Variants in EPHA6 observed in about 807,000 individuals in gnomAD.
EPHA6 encodes EPH receptor A6.
In EPHA6, 50 loss-of-function variants were observed where a neutral mutation model predicts 112.0. That is an observed-to-expected ratio of 0.45 (90% confidence interval 0.36 to 0.56). The LOEUF is 0.56. Ranked by LOEUF, EPHA6 falls within the 20% of genes least tolerant of loss-of-function variation. The pLI, the probability that EPHA6 is intolerant of heterozygous loss-of-function variation, is 0.00. For missense variants in EPHA6, 1,280 were observed against 1,417.4 expected, an observed-to-expected ratio of 0.90 and a Z score of 1.56; for synonymous variants, 529 against 490.7, an observed-to-expected ratio of 1.08 and a Z score of -1.03.
chr3:97,642,876 A>T (rs1169910328), intron 14 of EPHA6, among the ~76,000 whole-genome samples: 1 of 11,308 alleles, frequency 8.8e-5, no homozygotes, highest in East Asian at 4.4e-3. Flanking sequence ...GCAGGATATT[A>T]TCCAGGAGAA....
intron 5 of EPHA6, among the ~76,000 whole-genome samples, chr3:97,317,134 G>T (rs1008634676): frequency 7.1e-6 from 1 of 140,792 alleles, no homozygotes; most frequent in African/African-American, 2.7e-5. Context: ...GATTGGAAGA[G>T]AAAAAAAAAA....
chr3:97,114,542 T>A (rs183628354), intron 3 of EPHA6, among the ~76,000 whole-genome samples: 1 of 152,140 alleles, frequency 6.6e-6, no homozygotes, highest in African/African-American at 2.4e-5. Context: ...TGTTTTGAGA[T>A]TTTATATAAT....
At chr3:97,355,797 G>A (rs1416305323) in intron 5 of EPHA6, among the ~76,000 whole-genome samples, 1 of 151,994 alleles carries the variant, frequency 6.6e-6, no homozygotes, top group African/African-American at 2.4e-5. Flanking sequence ...AAAACACTTA[G>A]CCTATAAAGA....
At chr3:97,595,677 A>AAGAGGAGAGGAGAGG (rs141447384) in intron 12 of EPHA6, among the ~76,000 whole-genome samples, 1 of 150,118 alleles carries the variant, frequency 6.7e-6, no homozygotes, top group Non-Finnish European at 1.5e-5. Context: ...CACAGGAGAG[A>AAGAGGAGAGGAGAGG]AGAGGAGAGG....
At chr3:97,257,339 A>G (rs2079348888) in intron 5 of EPHA6, among the ~76,000 whole-genome samples, 1 of 152,022 alleles carries the variant, frequency 6.6e-6, no homozygotes, top group Admixed American at 6.6e-5. Context: ...TAAGCTGGGG[A>G]AAATATTTGT....
At chr3:97,309,135 T>C (rs796217851) in intron 5 of EPHA6, among the ~76,000 whole-genome samples, 4 of 151,732 alleles carry the variant, frequency 2.6e-5, no homozygotes, top group South Asian at 4.1e-4. Flanking sequence ...GAAAGCAAGA[T>C]GTAAAATTTT....
At position 97,644,882 on chromosome 3, in the gene EPHA6, C is replaced by T. The variant is rs564762826; in HGVS notation, c.2784+6800C>T. ...GTACAAGGAGGAACTGGTACCATTC[C>T]TTCTGAAACTATTCCAATCAGTAAA... On this transcript the variant is annotated intron_variant, in intron 14 of 17. Coordinates refer to ENST00000389672, the MANE Select transcript of EPHA6 (RefSeq NM_001080448.3). Among the ~76,000 whole-genome samples, 21 of 152,170 alleles carry T rather than the reference C, an allele frequency of 1.4e-4. No individual in the cohort carries two copies. The South Asian group carries it at 1.7e-3, about 12-fold the overall frequency.
chr3:96,918,611 T>A (rs1375282770), intron 2 of EPHA6, among the ~76,000 whole-genome samples: 1 of 151,810 alleles, frequency 6.6e-6, no homozygotes, highest in African/African-American at 2.4e-5. Context: ...AATTGAGTTT[T>A]AATAATATTT....
chr3:97,255,388 C>T (rs1476158745), intron 5 of EPHA6, among the ~76,000 whole-genome samples: 1 of 152,132 alleles, frequency 6.6e-6, no homozygotes, highest in Non-Finnish European at 1.5e-5. Flanking sequence ...AAAAAGAAAG[C>T]CACTATCCCA....
At chr3:96,941,499 T>C (rs1179494210) in intron 2 of EPHA6, among the ~76,000 whole-genome samples, 1 of 152,102 alleles carries the variant, frequency 6.6e-6, no homozygotes, top group African/African-American at 2.4e-5. Context: ...TATACATTCG[T>C]CTAATTTTTT....
intron 3 of EPHA6, among the ~76,000 whole-genome samples, chr3:97,003,653 C>CT (rs934431438): frequency 6.6e-6 from 1 of 152,052 alleles, no homozygotes; most frequent in African/African-American, 2.4e-5. Context: ...TTTCCTATTT[C>CT]TTTTTTTCTT....
Position 97,283,469 on chromosome 3 carries a change from T to C in EPHA6, c.1606+39182T>C, listed in dbSNP as rs569407602. On this transcript the variant is annotated intron_variant, in intron 5 of 17. Transcript: ENST00000389672. ...CAAGGAAAATGATAGGATACAGTTA[T>C]CTAAACTAGCCTAGATATGGTGATT... Among the ~76,000 whole-genome samples the C allele has an allele frequency of 2.6e-5, 4 of 152,256 alleles. No homozygotes were observed. In the East Asian group the frequency reaches 5.8e-4, roughly 22 times the overall value.
intron 14 of EPHA6, among the ~76,000 whole-genome samples, chr3:97,681,959 C>T (rs543699264): frequency 6.6e-6 from 1 of 151,986 alleles, no homozygotes; most frequent in Admixed American, 6.6e-5. Flanking sequence ...ATATCTGCTA[C>T]TAGTAACCAG....
At chr3:97,282,219 G>A (rs376842745) in intron 5 of EPHA6, among the ~76,000 whole-genome samples, 1 of 152,108 alleles carries the variant, frequency 6.6e-6, no homozygotes, top group African/African-American at 2.4e-5. Context: ...AATATGTACA[G>A]AGAAATGTAA....
At chr3:97,352,142 A>G (rs1200418913) in intron 5 of EPHA6, among the ~76,000 whole-genome samples, 2 of 152,158 alleles carry the variant, frequency 1.3e-5, no homozygotes, top group Non-Finnish European at 2.9e-5. Context: ...TTTCAATTTG[A>G]AAAACAGAAC....
intron 6 of EPHA6, among the ~76,000 whole-genome samples, chr3:97,427,358 CAT>C (rs918543324): frequency 1.3e-5 from 2 of 152,128 alleles, no homozygotes; most frequent in Non-Finnish European, 2.9e-5. Context: ...ACCATGCAGC[CAT>C]AAAAAAGAAT....
intron 14 of EPHA6, among the ~76,000 whole-genome samples, chr3:97,664,186 G>GT (rs1304274696): frequency 6.6e-6 from 1 of 152,088 alleles, no homozygotes; most frequent in Non-Finnish European, 1.5e-5. Context: ...GGGGTTGTTT[G>GT]TTTTTTTCTT....
chr3:97,121,126 A>G (rs2048029611), intron 3 of EPHA6, among the ~76,000 whole-genome samples: 1 of 152,038 alleles, frequency 6.6e-6, no homozygotes, highest in African/African-American at 2.4e-5. Context: ...TTCCTAAAGC[A>G]TGAAACCTGT....
At chr3:97,698,089 G>A (rs1252889626) in intron 14 of EPHA6, among the ~76,000 whole-genome samples, 2 of 152,108 alleles carry the variant, frequency 1.3e-5, no homozygotes, top group Admixed American at 6.6e-5. Context: ...CACAACCTCC[G>A]CCTCCCGGGT....
Sources: gnomAD v4.1 joint callset for allele counts (sites outside exome capture counted in the v4.1 genomes callset) on GRCh38, gnomAD v4.1.1 for gene constraint, MANE v1.5 for transcripts, NCBI Gene and HGNC (gene_info 2026-07-23, HGNC 2026-07-21) for gene names.